Variants in CC2D2B observed in about 807,000 individuals in gnomAD.
The protein encoded by CC2D2B is coiled-coil and C2 domain containing 2B.
Under a neutral mutation model 161.2 loss-of-function variants are expected in CC2D2B, and 128 were observed. The ratio of observed to expected loss-of-function variants is 0.79; its 90% CI spans 0.69 to 0.92. CC2D2B has a LOEUF of 0.92. Among genes scored for constraint, CC2D2B ranks in the 40% least tolerant of loss-of-function variants. CC2D2B has a pLI of 0.00. For missense variants in CC2D2B, 1,173 were observed against 1,375.1 expected, an observed-to-expected ratio of 0.85 and a Z score of 2.32; for synonymous variants, 391 against 449.8, an observed-to-expected ratio of 0.87 and a Z score of 1.65.
At chr10:95,933,472 T>G (rs1321647791) in intron 6 of CC2D2B, among the ~76,000 whole-genome samples, 1 of 152,216 alleles carries the variant, frequency 6.6e-6, no homozygotes, top group Non-Finnish European at 1.5e-5. Flanking sequence ...GTTCTGGTTT[T>G]TGAAATTTTC....
At chr10:95,912,869 T>C in intron 2 of CC2D2B, among the ~76,000 whole-genome samples, 1 of 152,120 alleles carries the variant, frequency 6.6e-6, no homozygotes, top group East Asian at 1.9e-4. Context: ...ATGGGGTACA[T>C]GAGATATTTT....
chr10:95,923,053 A>C (rs1409893880), intron 3 of CC2D2B, among the ~76,000 whole-genome samples: 3 of 152,100 alleles, frequency 2.0e-5, no homozygotes, highest in African/African-American at 7.2e-5. Context: ...CCCGGGTTCA[A>C]GCAATTCTCC....
At chr10:95,980,004 T>C (rs1439675849) in intron 17 of CC2D2B, among the ~76,000 whole-genome samples, 1 of 152,232 alleles carries the variant, frequency 6.6e-6, no homozygotes. Context: ...AGCTCGCCTC[T>C]TTCTTGGGGC....
intron 17 of CC2D2B, among the ~76,000 whole-genome samples, chr10:95,977,870 A>C (rs184930409): frequency 5.3e-4 from 81 of 152,322 alleles, no homozygotes; most frequent in Non-Finnish European, 1.1e-3. Flanking sequence ...GAAATATTTC[A>C]CTTTAATTCA....
At chr10:95,945,065 C>T (rs999217836) in intron 9 of CC2D2B, among the ~76,000 whole-genome samples, 1 of 152,342 alleles carries the variant, frequency 6.6e-6, no homozygotes, top group African/African-American at 2.4e-5. Context: ...GCATTCCTCC[C>T]TTCCAGCGGA....
intron 2 of CC2D2B, among the ~76,000 whole-genome samples, chr10:95,918,395 G>A (rs890176017): frequency 6.6e-6 from 1 of 152,082 alleles, no homozygotes; most frequent in Non-Finnish European, 1.5e-5. Context: ...CAATTTTCTA[G>A]GATAAAAATT....
intron 32 of CC2D2B, chr10:96,020,041 A>G (rs1391422795): frequency 2.0e-5 from 9 of 441,830 alleles, no homozygotes; most frequent in Non-Finnish European, 3.6e-5. Context: ...TCTTAAATGC[A>G]AATTTAGATG....
rs1393123631 is a variant in CC2D2B, at chr10:95,943,478, G to A, written c.801+4553G>A. 5.9e-5 allele frequency among the ~76,000 whole-genome samples: 9 copies of A among 152,054 alleles called. No homozygotes were observed. The East Asian group carries it at 9.6e-4, about 16-fold the overall frequency. On this transcript the variant is annotated intron_variant, in intron 9 of 34. Coordinates refer to ENST00000646931, the MANE Select transcript of CC2D2B (RefSeq NM_001349008.3). ...TGCCTCTTTTAATATAGGAATTTGG[G>A]AAGATCTAAAACTGTACTGCCACCA...
intron 2 of CC2D2B, chr10:95,913,551 C>T (rs1005264477): frequency 2.9e-5 from 6 of 204,656 alleles, no homozygotes; most frequent in African/African-American, 4.7e-5. Flanking sequence ...TACTGTTCTC[C>T]GTAGTGGCTG....
chr10:96,025,166 TATATATATATATATATATAAAAAAAA>T (rs2079657616), intron 33 of CC2D2B, among the ~76,000 whole-genome samples: 2 of 9,968 alleles, frequency 2.0e-4, no homozygotes, highest in East Asian at 5.0e-3. Flanking sequence ...TATATATATA[TATATATATATATATATATAAAAAAAA>T]ATATATATAT....
Position 96,033,439 on chromosome 10 carries a change from A to C in CC2D2B, c.*1431A>C, listed in dbSNP as rs1006468827. Among the ~76,000 whole-genome samples, 2 of 152,170 alleles carry C rather than the reference A, an allele frequency of 1.3e-5. No homozygotes were observed. The highest frequency in any genetic ancestry group is 2.9e-5 in the Non-Finnish European group (2 of 68,040). On this transcript the variant is annotated 3_prime_UTR_variant, in exon 35 of 35. Coordinates refer to ENST00000646931, the MANE Select transcript of CC2D2B (RefSeq NM_001349008.3). ...GATCAGAATTTTTACTTTTATTTGA[A>C]TGTTTTTGTTTAAATTTAATGTGAA...
At chr10:96,023,917 A>G (rs749168844) in intron 32 of CC2D2B, among the ~76,000 whole-genome samples, 78 of 152,250 alleles carry the variant, frequency 5.1e-4, no homozygotes, top group Non-Finnish European at 6.0e-4. Flanking sequence ...TGGAGGCCAC[A>G]CTTAGGAACC....
Position 95,924,798 on chromosome 10 carries a change from C to T in CC2D2B, c.194C>T (p.Ser65Phe). Residue 65 changes from serine (S) to phenylalanine (F), a missense_variant, in exon 5 of 35, where the codon TCT becomes TTT. Physicochemically the swap from Ser to Phe is radical, Grantham distance 155. Around this residue, in one of 3 missense-constraint regions of CC2D2B, gnomAD observed 298 missense variants for 261.2 expected, o/e 1.14. Transcript: ENST00000646931. Reference protein sequence around the residue: ...KISKINKGEKSSTEQLIDSEI... With the variant: ...KISKINKGEKFSTEQLIDSEI... ...TTTCAGATTAATAAAGGTGAAAAAT[C>T]TTCAACTGAGCAGCTCATTGATAGC... is the stretch of plus-strand genomic sequence containing the variant. The T allele has an allele frequency of 6.5e-7, 1 of 1,543,534 alleles. No homozygotes were observed. Among genetic ancestry groups the T allele is most frequent in the Middle Eastern group, 1.7e-4 (1 of 5,964 alleles).
chr10:95,978,078 T>C (rs1259618365), intron 17 of CC2D2B, among the ~76,000 whole-genome samples: 3 of 152,186 alleles, frequency 2.0e-5, no homozygotes, highest in African/African-American at 7.2e-5. Flanking sequence ...TTTTATATTA[T>C]GTATCTTTAA....
At chr10:95,931,810 T>C (rs1381260758) in intron 6 of CC2D2B, among the ~76,000 whole-genome samples, 3 of 152,210 alleles carry the variant, frequency 2.0e-5, no homozygotes. Context: ...ATGTGGTCAA[T>C]TTTAGAATAA....
chr10:95,936,164 A>T (rs1018101248), intron 6 of CC2D2B, among the ~76,000 whole-genome samples: 65 of 152,224 alleles, frequency 4.3e-4, no homozygotes, highest in African/African-American at 1.5e-3. Context: ...AAGCATAAAG[A>T]TATTAGGTCA....
chr10:95,955,450 G>A lies in CC2D2B; in HGVS notation c.1068G>A (p.Gln356=). The A allele has an allele frequency of 2.5e-6, 1 of 398,270 alleles. No homozygotes were observed. Among genetic ancestry groups the A allele is most frequent in the Non-Finnish European group, 4.4e-6 (1 of 225,586 alleles). 24.7% of individuals were successfully genotyped at this position (398,270 alleles called of 1,614,324 possible). ...CAAATGAAAATTCAGAAATTAACCA[G>A]CTGACCAGAAAATCTTTACAAGATT... ...KLSNENSEIN[Q]LTRKSLQDYY... is the part of the protein sequence containing the mutation. Residue 356 remains glutamine, a synonymous_variant, in exon 11 of 35, where the codon CAG becomes CAA. Coordinates refer to ENST00000646931, the MANE Select transcript of CC2D2B (RefSeq NM_001349008.3).
chr10:95,985,666 A>G (rs2077689419), intron 19 of CC2D2B, among the ~76,000 whole-genome samples: 1 of 152,212 alleles, frequency 6.6e-6, no homozygotes, highest in South Asian at 2.1e-4. Flanking sequence ...GGATAACAGC[A>G]ATGTTCAGGG....
In CC2D2B at chr10:95,992,523, T is replaced by G; in HGVS notation, c.2472-4T>G. 1 of 1,234,184 alleles carries G rather than the reference T, an allele frequency of 8.1e-7. No individual in the cohort carries two copies. 76.5% of individuals were successfully genotyped at this position (1,234,184 alleles called of 1,614,324 possible). On this transcript the variant is annotated splice_polypyrimidine_tract_variant and splice_region_variant and intron_variant, in intron 21 of 34. Coordinates refer to ENST00000646931, the MANE Select transcript of CC2D2B (RefSeq NM_001349008.3). ...GAGGCTAATGATCATTTTTTACCCT[T>G]TAGCCAATTGACAGATGCAGTTTGT...
Sources: gnomAD v4.1 joint callset for allele counts (sites outside exome capture counted in the v4.1 genomes callset) on GRCh38, gnomAD v4.1.1 for gene constraint, gnomAD v4.1.1 regional missense constraint, MANE v1.5 for transcripts, NCBI Gene and HGNC (gene_info 2026-07-23, HGNC 2026-07-21) for gene names.